The following DRC3 variants were observed in gnomAD, a reference collection of about 807,000 sequenced individuals.
DRC3 encodes the protein leucine rich repeat containing 48.
A neutral mutation model predicts 57.6 loss-of-function variants in DRC3; 45 were observed. The observed-to-expected ratio is 0.78, with a 90% confidence interval of 0.62 to 1.00. The LOEUF is 1.00. Ranked by LOEUF, DRC3 falls within the 50% of genes least tolerant of loss-of-function variation. DRC3 has a pLI of 0.00. For missense variants in DRC3, 655 were observed against 675.2 expected, an observed-to-expected ratio of 0.97 and a Z score of 0.33; for synonymous variants, 257 against 272.3, an observed-to-expected ratio of 0.94 and a Z score of 0.55.
chr17:17,997,454 A>G lies in DRC3; in HGVS notation c.825-6A>G. 3 of 1,612,324 alleles carry G rather than the reference A, an allele frequency of 1.9e-6. No individual in the cohort carries two copies. The highest frequency in any genetic ancestry group is 2.5e-6 in the Non-Finnish European group (3 of 1,179,394). On this transcript the variant is annotated splice_region_variant and splice_polypyrimidine_tract_variant and intron_variant, in intron 8 of 13. Coordinates refer to ENST00000399187, the MANE Select transcript of DRC3 (RefSeq NM_031294.4). Reference sequence around the variant, plus strand: ...ACAGCTGTGGGCTTCCTTAACAGCCACTCACCTACAAGGACAAGTTTGTCA... The same window carrying G: ...ACAGCTGTGGGCTTCCTTAACAGCCGCTCACCTACAAGGACAAGTTTGTCA...
At chr17:17,995,460 T>A in intron 8 of DRC3, 3 of 215,728 alleles carry the variant, frequency 1.4e-5, no homozygotes, top group South Asian at 7.0e-5. Context: ...GCATTTATTG[T>A]TTTCTCAACC....
intron 8 of DRC3, 89 bp downstream of exon 8, chr17:17,995,200 ATC>A: frequency 1.1e-6 from 1 of 890,978 alleles, no homozygotes; most frequent in Non-Finnish European, 1.8e-6. Flanking sequence ...CAGTTTCTTC[ATC>A]TCTCTTGTAA....
intron 3 of DRC3, chr17:17,981,086 G>C (rs997312187): frequency 6.4e-6 from 1 of 157,268 alleles, no homozygotes; most frequent in African/African-American, 2.4e-5. Flanking sequence ...CACATCTGTC[G>C]CACCTCACTT....
At chr17:17,992,681 A>G in intron 5 of DRC3, 84 bp from the exon 6 acceptor site, 2 of 1,444,616 alleles carry the variant, frequency 1.4e-6, no homozygotes, top group East Asian at 2.4e-5. Flanking sequence ...CTGACTCTGA[A>G]AGAGTACTGA....
At chr17:17,995,475 C>A in intron 8 of DRC3, 1 of 210,086 alleles carries the variant, frequency 4.8e-6, no homozygotes, top group Non-Finnish European at 9.6e-6. Context: ...TCAACCACCC[C>A]ACTAGGCAGG....
At chr17:17,988,499 GCCGGTGT>G (rs1022252409) in intron 5 of DRC3, 1 of 174,402 alleles carries the variant, frequency 5.7e-6, no homozygotes, top group African/African-American at 2.4e-5. Context: ...GAGACAAGAA[GCCGGTGT>G]CCTGAGGAAC....
intron 5 of DRC3, 119 bp from the exon 6 acceptor site, chr17:17,992,646 C>T (rs146947492): frequency 9.2e-7 from 1 of 1,092,860 alleles, no homozygotes; most frequent in Admixed American, 2.3e-5. Flanking sequence ...CACCCCACCC[C>T]AGTGCTGATG....
rs1466420953 is a variant in DRC3, at chr17:18,008,274, C to G, written c.1326+1127C>G. Among the ~76,000 whole-genome samples, 1 of 152,218 alleles carries G rather than the reference C, an allele frequency of 6.6e-6. No homozygotes were observed. Among genetic ancestry groups the G allele is most frequent in the Non-Finnish European group, 1.5e-5 (1 of 68,040 alleles). On this transcript the variant is annotated intron_variant, in intron 12 of 13. Transcript: ENST00000399187. The surrounding 1 kb of genome is among the most constrained non-coding windows in gnomAD (Gnocchi z 4.3). Reference sequence around the variant, plus strand: ...CTATCAGCTCTTGGGAGAGGCCTTTCTTCATCAACTTCCAGAAAAACCACT... The same window carrying G: ...CTATCAGCTCTTGGGAGAGGCCTTTGTTCATCAACTTCCAGAAAAACCACT...
chr17:18,002,050 C>T (rs186718263), intron 9 of DRC3, among the ~76,000 whole-genome samples: 73 of 152,202 alleles, frequency 4.8e-4, no homozygotes, highest in African/African-American at 1.7e-3. Flanking sequence ...CACCTATAAT[C>T]CCAGCTACTT....
At chr17:18,000,077 C>CGTGTGT (rs35063272) in intron 9 of DRC3, among the ~76,000 whole-genome samples, 23 of 132,136 alleles carry the variant, frequency 1.7e-4, no homozygotes, top group Admixed American at 3.1e-4. Flanking sequence ...ACTTTGCTTT[C>CGTGTGT]GTGTGTGTGT....
chr17:17,992,677 C>CCTT, intron 5 of DRC3, 88 bp from the exon 6 acceptor site: 1 of 1,432,054 alleles, frequency 7.0e-7, no homozygotes, highest in Non-Finnish European at 9.5e-7. Context: ...CAGGCTGACT[C>CCTT]TGAAAGAGTA....
At chr17:17,987,214 C>CAAAAAAA (rs1046062123) in intron 4 of DRC3, among the ~76,000 whole-genome samples, 1 of 45,202 alleles carries the variant, frequency 2.2e-5, no homozygotes, top group Non-Finnish European at 3.9e-5. Context: ...GACCCTGTCT[C>CAAAAAAA]AAAAAAAAAA....
chr17:18,006,934 GGCCCTTAAAGTCTGTCTCCC>G, intron 11 of DRC3, 70 bp from the exon 12 acceptor site: 2 of 1,565,380 alleles, frequency 1.3e-6, no homozygotes, highest in Non-Finnish European at 1.7e-6. Flanking sequence ...GCTCGCCTTG[GGCCCTTAAAGTCTGTCTCCC>G]GCCGTCTGAG....
rs571557653 is a variant in DRC3 at position 18,016,589 on chromosome 17, A to G, written c.1490A>G (p.Lys497Arg). The change falls in exon 14 of 14, where the codon AAG (lysine) becomes AGG (arginine). Residue 497 changes from lysine to arginine, a missense_variant. Physicochemically the swap from Lys to Arg is conservative, Grantham distance 26. Transcript: ENST00000399187. ...AAGGATGAGATCATGAGGAACCGCAAGCGCGTGAAGGAGATCAATCAGTAC... is the reference window on the plus strand; with the variant it reads ...AAGGATGAGATCATGAGGAACCGCAGGCGCGTGAAGGAGATCAATCAGTAC... ...IHKDEIMRNR[K>R]RVKEINQYID... 4.3e-6 allele frequency: 7 copies of G among 1,610,656 alleles called. No homozygotes were observed. The African/African-American group carries it at 6.7e-5, about 15-fold the overall frequency.
chr17:18,012,575 A>C (rs952536351), intron 12 of DRC3, among the ~76,000 whole-genome samples: 1 of 152,126 alleles, frequency 6.6e-6, no homozygotes. Flanking sequence ...CCAGCTACTC[A>C]GGATGCTGAG....
Position 18,016,629 on chromosome 17 carries a change from G to C in DRC3, c.1530G>C (p.Gln510His), listed in dbSNP as rs2044374539. The C allele has an allele frequency of 6.2e-7, 1 of 1,613,806 alleles. No homozygotes were observed. The highest frequency in any genetic ancestry group is 1.7e-5 in the Admixed American group (1 of 60,018). Reference sequence around the variant, plus strand: ...TCAATCAGTACATCGACCACATGCAGAGCGAACTGGACAACCTGGAATGTG... The same window carrying C: ...TCAATCAGTACATCGACCACATGCACAGCGAACTGGACAACCTGGAATGTG... Reference protein sequence around the residue: ...KEINQYIDHMQSELDNLECGD... With the variant: ...KEINQYIDHMHSELDNLECGD... Residue 510 changes from glutamine to histidine, a missense_variant, in exon 14 of 14, where the codon CAG (glutamine) becomes CAC (histidine). Physicochemically the swap from Gln to His is conservative, Grantham distance 24. Transcript: ENST00000399187.
intron 4 of DRC3, among the ~76,000 whole-genome samples, chr17:17,987,549 T>A (rs2043019071): frequency 6.6e-6 from 1 of 152,070 alleles, no homozygotes; most frequent in Non-Finnish European, 1.5e-5. Context: ...CAGGAGGTGG[T>A]CTTGCTAAAA....
intron 3 of DRC3, among the ~76,000 whole-genome samples, 183 bp from the exon 4 acceptor site, chr17:17,983,645 G>A (rs1472680066): frequency 2.0e-5 from 3 of 151,996 alleles, no homozygotes; most frequent in Non-Finnish European, 4.4e-5. Context: ...ACCGATCCCC[G>A]CCCACCTCAT....
chr17:17,980,929 G>A (rs2042649149), intron 3 of DRC3, among the ~76,000 whole-genome samples: 1 of 152,070 alleles, frequency 6.6e-6, no homozygotes, highest in Admixed American at 6.5e-5. Context: ...TTTTTGGCAT[G>A]AATCTCATTT....
Sources: gnomAD v4.1 joint callset for allele counts (sites outside exome capture counted in the v4.1 genomes callset) on GRCh38, gnomAD v4.1.1 for gene constraint, Gnocchi (gnomAD v3.1) non-coding constraint, MANE v1.5 for transcripts, NCBI Gene and HGNC (gene_info 2026-07-23, HGNC 2026-07-21) for gene names.